EPB41L4B: variants seen among roughly 807,000 people sequenced by gnomAD.
The protein encoded by EPB41L4B is band 4.1-like protein 4B.
EPB41L4B carries 30 observed loss-of-function variants against 112.5 expected under a neutral mutation model. That is an observed-to-expected ratio of 0.27 (90% CI 0.20 to 0.36). The LOEUF (loss-of-function observed/expected upper bound fraction) is 0.36, where lower values mean the gene tolerates loss of function less well. EPB41L4B is among the 10% of genes least tolerant of loss of function. The pLI is 1.00. For missense variants in EPB41L4B, 1,024 were observed against 1,133.3 expected (o/e 0.90, Z 1.38); for synonymous variants, 408 against 439.7 (o/e 0.93, Z 0.90).
chr9:109,316,790 T>C (rs1837651964), intron 1 of EPB41L4B, among the ~76,000 whole-genome samples: 1 of 152,178 alleles, frequency 6.6e-6, no homozygotes, highest in Non-Finnish European at 1.5e-5. Flanking sequence ...AGCTGCTGAC[T>C]ATCCATAGCA....
chr9:109,316,399 G>T (rs1367462349), intron 1 of EPB41L4B, among the ~76,000 whole-genome samples: 2 of 152,238 alleles, frequency 1.3e-5, no homozygotes, highest in Non-Finnish European at 1.5e-5. Context: ...ACGAGCAAAA[G>T]CGATGCCAGG....
intron 1 of EPB41L4B, among the ~76,000 whole-genome samples, chr9:109,292,596 A>C (rs150893007): frequency 2.0e-5 from 3 of 152,244 alleles, no homozygotes; most frequent in African/African-American, 7.2e-5. Context: ...TCCATCTTAC[A>C]CCAAAAGACA....
chr9:109,232,423 A>C (rs1833986030), intron 15 of EPB41L4B, among the ~76,000 whole-genome samples: 1 of 152,080 alleles, frequency 6.6e-6, no homozygotes, highest in South Asian at 2.1e-4. Context: ...ATACATCCTC[A>C]AACAGTGTTA....
intron 2 of EPB41L4B, among the ~76,000 whole-genome samples, chr9:109,277,472 C>A (rs978630689): frequency 2.6e-5 from 4 of 152,234 alleles, no homozygotes; most frequent in African/African-American, 9.6e-5. Context: ...GTGCTCAGAT[C>A]CAGACATGGA....
intron 1 of EPB41L4B, among the ~76,000 whole-genome samples, chr9:109,315,640 A>T (rs1588243879): frequency 6.6e-6 from 1 of 152,280 alleles, no homozygotes; most frequent in South Asian, 2.1e-4. Flanking sequence ...GTCACTTTAT[A>T]GCCACAGACC....
intron 1 of EPB41L4B, among the ~76,000 whole-genome samples, chr9:109,292,948 C>T (rs1836588217): frequency 6.6e-6 from 1 of 152,178 alleles, no homozygotes; most frequent in South Asian, 2.1e-4. Context: ...GTCAACCATC[C>T]CAGGTGAGCT....
chr9:109,244,804 A>G (rs987979734), intron 14 of EPB41L4B, among the ~76,000 whole-genome samples: 7 of 152,164 alleles, frequency 4.6e-5, no homozygotes, highest in Non-Finnish European at 7.3e-5. Context: ...CCCTCCTGAC[A>G]TTTAAGTCAC....
At chr9:109,300,926 G>GC (rs1836941341) in intron 1 of EPB41L4B, 1 of 152,122 alleles carries the variant, frequency 6.6e-6, no homozygotes. Context: ...TAGGAGGACT[G>GC]CCCCCACTAA....
In EPB41L4B at chr9:109,174,438, G is replaced by T; in HGVS notation, c.*116C>A. On this transcript the variant is annotated 3_prime_UTR_variant, in exon 26 of 26. Coordinates refer to ENST00000374566, the MANE Select transcript of EPB41L4B (RefSeq NM_019114.5). ...GAAATTGGCTTCAACTAACCATGGA[G>T]ACCTGGGCGAACAGAGCACACACTT... The T allele has an allele frequency of 1.0e-6, 1 of 995,008 alleles. No individual in the cohort carries two copies. The highest frequency in any genetic ancestry group is 1.4e-5 in the South Asian group (1 of 73,752). 61.6% of individuals were successfully genotyped at this position (995,008 alleles called of 1,614,324 possible).
intron 15 of EPB41L4B, among the ~76,000 whole-genome samples, chr9:109,235,314 AC>A (rs1037581357): frequency 7.4e-5 from 11 of 149,024 alleles, no homozygotes; most frequent in African/African-American, 2.7e-4. Flanking sequence ...GGAACCAAAC[AC>A]CCCTTTCCCT....
Position 109,311,235 on chromosome 9 carries a change from C to CAAAAAA in EPB41L4B, c.306+8905_306+8906insTTTTTT, listed in dbSNP as rs563877944. Among the ~76,000 whole-genome samples, 375 of 152,218 alleles carry CAAAAAA rather than the reference C, an allele frequency of 2.5e-3. 1 individual carries two copies. Among genetic ancestry groups the CAAAAAA allele is most frequent in the African/African-American group, 8.9e-3 (369 of 41,522 alleles). ...TAATACCATGATTTTCAAAAAAATT[C>CAAAAAA]ATAATTCAGGGTAGGTGCAGCTCAG... On this transcript the variant is annotated intron_variant, in intron 1 of 25. Transcript: ENST00000374566.
At chr9:109,252,862 T>C (rs906176151) in intron 12 of EPB41L4B, among the ~76,000 whole-genome samples, 1 of 152,124 alleles carries the variant, frequency 6.6e-6, no homozygotes, top group African/African-American at 2.4e-5. Flanking sequence ...TGAGTTGTAC[T>C]GTGTTCCGGG....
At chr9:109,301,752 G>A (rs1412465850) in intron 1 of EPB41L4B, among the ~76,000 whole-genome samples, 3 of 152,194 alleles carry the variant, frequency 2.0e-5, no homozygotes, top group Admixed American at 6.5e-5. Flanking sequence ...GCTACAACGC[G>A]TTGAGATAAA....
intron 5 of EPB41L4B, among the ~76,000 whole-genome samples, chr9:109,264,380 C>A (rs1181740504): frequency 6.6e-6 from 1 of 152,124 alleles, no homozygotes; most frequent in Admixed American, 6.5e-5. Context: ...AAAAATGACA[C>A]AGTTATAAGA....
chr9:109,268,694 C>A (rs1017254050), intron 2 of EPB41L4B, among the ~76,000 whole-genome samples: 1 of 151,828 alleles, frequency 6.6e-6, no homozygotes, highest in Admixed American at 6.6e-5. Flanking sequence ...GTCAGGAGAT[C>A]GAGACCATCC....
At chr9:109,274,549 G>A (rs937804146) in intron 2 of EPB41L4B, among the ~76,000 whole-genome samples, 4 of 152,200 alleles carry the variant, frequency 2.6e-5, no homozygotes, top group Non-Finnish European at 1.5e-5. Context: ...GGCAGGCAGG[G>A]ACAACATCCA....
intron 2 of EPB41L4B, among the ~76,000 whole-genome samples, chr9:109,278,522 T>C (rs1835919764): frequency 6.6e-6 from 1 of 152,204 alleles, no homozygotes; most frequent in African/African-American, 2.4e-5. Context: ...ACATGTCACC[T>C]GACAACTTCC....
intron 15 of EPB41L4B, among the ~76,000 whole-genome samples, chr9:109,229,684 TA>T (rs1172163519): frequency 6.6e-6 from 1 of 152,222 alleles, no homozygotes; most frequent in African/African-American, 2.4e-5. Flanking sequence ...TCCATATTCC[TA>T]ATCAGAATTA....
chr9:109,314,847 T>C (rs558057474), intron 1 of EPB41L4B, among the ~76,000 whole-genome samples: 83 of 152,242 alleles, frequency 5.5e-4, no homozygotes, highest in African/African-American at 1.8e-3. Context: ...AGTGTGCCCA[T>C]GGCAGCCAGA....
Sources: allele counts gnomAD v4.1 joint callset (sites outside exome capture counted in the v4.1 genomes callset), GRCh38; gene constraint gnomAD v4.1.1; transcripts MANE v1.5; gene names NCBI Gene and HGNC (gene_info 2026-07-23, HGNC 2026-07-21).